LPP: variants seen among roughly 807,000 people sequenced by gnomAD.
LPP encodes the protein LIM domain containing preferred translocation partner in lipoma, also known as lipoma-preferred partner.
Under a neutral mutation model 60.4 loss-of-function variants are expected in LPP, and 38 were observed. That is an observed-to-expected ratio of 0.63 (90% CI 0.49 to 0.83). The LOEUF (loss-of-function observed/expected upper bound fraction) is 0.83. LPP is among the 40% of genes least tolerant of loss of function. The pLI is 0.00. For synonymous variants in LPP, 328 were observed against 290.8 expected (o/e 1.13, Z -1.30); for missense variants, 902 against 783.6 (o/e 1.15, Z -1.80).
At chr3:188,314,312 G>A (rs1754395451) in intron 2 of LPP, among the ~76,000 whole-genome samples, 1 of 151,806 alleles carries the variant, frequency 6.6e-6, no homozygotes, top group Non-Finnish European at 1.5e-5. Flanking sequence ...TGTTTTAATT[G>A]AGACTGGTTG....
intron 8 of LPP, among the ~76,000 whole-genome samples, chr3:188,752,503 GT>G: frequency 6.6e-6 from 1 of 152,246 alleles, no homozygotes; most frequent in African/African-American, 2.4e-5. Context: ...GCAAAACAGG[GT>G]TGTTTTTTGT....
At chr3:188,377,032 T>C (rs931661787) in intron 3 of LPP, among the ~76,000 whole-genome samples, 1 of 152,180 alleles carries the variant, frequency 6.6e-6, no homozygotes, top group Non-Finnish European at 1.5e-5. Context: ...TGAATATTGG[T>C]CCCCGCTCTC....
At chr3:188,617,557 A>T (rs1845092384) in intron 7 of LPP, among the ~76,000 whole-genome samples, 1 of 152,044 alleles carries the variant, frequency 6.6e-6, no homozygotes, top group South Asian at 2.1e-4. Flanking sequence ...CTGTGAAAAC[A>T]CTCGTTCATG....
At chr3:188,820,148 A>G (rs190411703) in intron 9 of LPP, among the ~76,000 whole-genome samples, 2 of 152,300 alleles carry the variant, frequency 1.3e-5, no homozygotes, top group African/African-American at 4.8e-5. Context: ...TTCTCAAACC[A>G]TTACATTAAC....
At chr3:188,362,048 G>T (rs890621128) in intron 3 of LPP, among the ~76,000 whole-genome samples, 5 of 152,114 alleles carry the variant, frequency 3.3e-5, no homozygotes, top group Admixed American at 6.5e-5. Flanking sequence ...AATGTACAGT[G>T]CGACAAAGGA....
intron 6 of LPP, among the ~76,000 whole-genome samples, chr3:188,580,839 T>G (rs1835909541): frequency 6.6e-6 from 1 of 152,102 alleles, no homozygotes. Context: ...CATCTACAGA[T>G]TAGGCAATTA....
intron 6 of LPP, among the ~76,000 whole-genome samples, chr3:188,602,629 G>A (rs1272939922): frequency 6.6e-6 from 1 of 151,164 alleles, no homozygotes; most frequent in Non-Finnish European, 1.5e-5. Flanking sequence ...GAGAGTCAGA[G>A]TATCTTCTTT....
intron 9 of LPP, among the ~76,000 whole-genome samples, chr3:188,804,243 T>TTATTTATATA (rs1748267170): frequency 2.7e-5 from 1 of 37,698 alleles, no homozygotes; most frequent in African/African-American, 1.1e-4. Context: ...TAGTGCATCT[T>TTATTTATATA]TATATATATA....
intron 2 of LPP, among the ~76,000 whole-genome samples, chr3:188,335,842 A>G (rs1429717150): frequency 6.6e-6 from 1 of 152,150 alleles, no homozygotes; most frequent in Non-Finnish European, 1.5e-5. Context: ...CGGTGGAACA[A>G]TTACCTCTTC....
intron 7 of LPP, among the ~76,000 whole-genome samples, chr3:188,701,390 A>AG (rs1208483317): frequency 6.6e-6 from 1 of 152,254 alleles, no homozygotes; most frequent in African/African-American, 2.4e-5. Context: ...AAAAAAAAAA[A>AG]ATCTTTATTT....
chr3:188,670,182 G>A (rs6772174), intron 7 of LPP, among the ~76,000 whole-genome samples: 150,754 of 152,292 alleles, frequency 0.99, 74,627 homozygotes, highest in East Asian at 1. Context: ...CAGCACACCA[G>A]CATGGCACAT....
chr3:188,467,696 A>G (rs1800825745), intron 4 of LPP, among the ~76,000 whole-genome samples: 2 of 152,110 alleles, frequency 1.3e-5, no homozygotes, highest in Non-Finnish European at 2.9e-5. Context: ...CTTTGAAGTG[A>G]TGTGATGTGA....
chr3:188,698,833 G>T (rs1152845), intron 7 of LPP, among the ~76,000 whole-genome samples: 151,865 of 152,346 alleles, frequency 1, 75,692 homozygotes, highest in Non-Finnish European at 1. Context: ...TCACCAAATG[G>T]CATGAATTTC....
rs1343223445 is a variant in LPP at position 188,884,029 on chromosome 3, A to G, written c.*9550A>G. On this transcript the variant is annotated 3_prime_UTR_variant, in exon 12 of 12. Coordinates refer to ENST00000617246, the MANE Select transcript of LPP (RefSeq NM_001375462.1). Reference sequence around the variant, plus strand: ...TTCTTCTACCCCAACTTTGAATGAGAGAGCACTGTAAGCAGAAACTGCCAT... The same window carrying G: ...TTCTTCTACCCCAACTTTGAATGAGGGAGCACTGTAAGCAGAAACTGCCAT... 2 of 221,556 alleles carry G rather than the reference A, an allele frequency of 9.0e-6. No homozygotes were observed. Among genetic ancestry groups the G allele is most frequent in the Non-Finnish European group, 1.8e-5 (2 of 110,880 alleles). The allele number at this position is 221,556 out of a possible 1,614,324, so 13.7% of individuals were successfully genotyped here.
At chr3:188,725,926 G>A (rs138530972) in intron 8 of LPP, among the ~76,000 whole-genome samples, 5 of 152,186 alleles carry the variant, frequency 3.3e-5, no homozygotes, top group Admixed American at 2.6e-4. Context: ...ATTCAATAGG[G>A]ACAAAGGTAT....
At chr3:188,509,871 T>TCG (rs369528323) in intron 5 of LPP, among the ~76,000 whole-genome samples, 18,348 of 75,174 alleles carry the variant, frequency 0.24, 2,157 homozygotes, top group East Asian at 0.55. Context: ...TTTTTTTTTG[T>TCG]TGTTTTTTTT....
At chr3:188,153,139 T>A (rs1214753872), upstream of LPP, 4 of 152,132 alleles carry the variant, frequency 2.6e-5, no homozygotes, top group Non-Finnish European at 5.9e-5. Context: ...CACTGGGTGG[T>A]CCGCACAGCT....
intron 2 of LPP, among the ~76,000 whole-genome samples, chr3:188,334,591 C>T (rs186471797): frequency 1.6e-4 from 24 of 151,944 alleles, no homozygotes; most frequent in African/African-American, 3.1e-4. Flanking sequence ...CTACCACGCC[C>T]GGCTAATTTT....
intron 3 of LPP, among the ~76,000 whole-genome samples, chr3:188,370,291 A>C (rs528633145): frequency 1.3e-5 from 2 of 152,242 alleles, no homozygotes; most frequent in East Asian, 3.9e-4. Context: ...TTCTACAGCT[A>C]TACAGAGAGC....
Sources: allele counts gnomAD v4.1 joint callset (sites outside exome capture counted in the v4.1 genomes callset), GRCh38; gene constraint gnomAD v4.1.1; transcripts MANE v1.5; gene names NCBI Gene and HGNC (gene_info 2026-07-23, HGNC 2026-07-21).